The following PC variants were observed in gnomAD, a reference collection of about 807,000 sequenced individuals.
The protein encoded by PC is pyruvate carboxylase.
Under a neutral mutation model 107.8 loss-of-function variants are expected in PC, and 46 were observed. The ratio of observed to expected loss-of-function variants is 0.43; its 90% CI spans 0.34 to 0.55. The LOEUF (loss-of-function observed/expected upper bound fraction) is 0.55. PC is among the 20% of genes least tolerant of loss of function. The pLI is 0.04. For synonymous variants in PC, 662 were observed against 684.7 expected (o/e 0.97, Z 0.52); for missense variants, 1,241 against 1,643.1 (o/e 0.76, Z 4.23).
rs1399733990 is a variant in PC at position 66,858,000 on chromosome 11, C to T, written c.1369-4617G>A. 2 of 1,612,324 alleles carry T rather than the reference C, an allele frequency of 1.2e-6. No individual in the cohort carries two copies. The highest frequency in any genetic ancestry group is 1.7e-6 in the Non-Finnish European group (2 of 1,179,964). ...GACACTGTCTCGCAATGCCATCACC[C>T]GCATTGGGGCCCGCGCCTTTGGGGA... On this transcript the variant is annotated intron_variant, in intron 12 of 22. Coordinates refer to ENST00000393960, the MANE Select transcript of PC (RefSeq NM_001040716.2). This position sits in a 1 kb window ranked among gnomAD's most constrained non-coding sequence, Gnocchi z 7.1.
In PC at chr11:66,849,025, C is replaced by A; in HGVS notation, c.3411G>T (p.Leu1137=). 1 of 1,614,120 alleles carries A rather than the reference C, an allele frequency of 6.2e-7. No individual in the cohort carries two copies. Among genetic ancestry groups the A allele is most frequent in the Non-Finnish European group, 8.5e-7 (1 of 1,180,050 alleles). Residue 1137 remains leucine, a synonymous_variant, in exon 23 of 23, where the codon CTG becomes CTT. Coordinates refer to ENST00000393960, the MANE Select transcript of PC (RefSeq NM_001040716.2). The part of the protein sequence containing the change: ...AGAKVAKGQP[L]CVLSAMKMET... The stretch of plus-strand genomic sequence containing the variant: ...CCATCTTCATGGCACTGAGCACACA[C>A]AGGGGCTGGCCCTTGGCCACCTTGG...
chr11:66,897,757 G>A (rs1947809100), intron 3 of PC, among the ~76,000 whole-genome samples: 1 of 152,184 alleles, frequency 6.6e-6, no homozygotes, highest in Non-Finnish European at 1.5e-5. Context: ...TACAGGTCAT[G>A]TATCCAGCCT....
At chr11:66,911,842 C>T (rs1464896544) in intron 3 of PC, among the ~76,000 whole-genome samples, 1 of 152,040 alleles carries the variant, frequency 6.6e-6, no homozygotes, top group East Asian at 1.9e-4. Flanking sequence ...ACCAGCCTGA[C>T]CAATATAGTG....
In PC at chr11:66,953,674, T is replaced by C. The variant is rs888014131; in HGVS notation, c.-40+575A>G. Among the ~76,000 whole-genome samples the C allele has an allele frequency of 3.9e-5, 6 of 152,286 alleles. No homozygotes were observed. In the South Asian group the frequency reaches 8.3e-4, roughly 21 times the overall value. ...GGCACTCAAGTCAATAAAATATTTA[T>C]TGAGCACATGCCTTGCACAAGGAAC... is the stretch of plus-strand genomic sequence containing the variant. On this transcript the variant is annotated intron_variant, in intron 2 of 22. Transcript: ENST00000393960.
intron 12 of PC, chr11:66,859,902 G>A: frequency 6.3e-7 from 1 of 1,576,876 alleles, no homozygotes; most frequent in South Asian, 1.2e-5. Flanking sequence ...GGCCTTGCTG[G>A]TTCGGGGCCG....
chr11:66,928,517 T>G (rs929983541), intron 3 of PC, among the ~76,000 whole-genome samples: 7 of 151,936 alleles, frequency 4.6e-5, no homozygotes, highest in African/African-American at 1.7e-4. Context: ...ATGTGAGCAT[T>G]AATTATTATT....
Position 66,858,334 on chromosome 11 carries a change from G to A in PC, c.1369-4951C>T. On this transcript the variant is annotated intron_variant, in intron 12 of 22. Transcript: ENST00000393960. This position sits in a 1 kb window ranked among gnomAD's most constrained non-coding sequence, Gnocchi z 5.9. ...TTCGCCCAGCTCGGTCAGCTCTCCC[G>A]CCTGGACCTCACCTCCAACCGCCTG... 1 of 1,605,466 alleles carries A rather than the reference G, an allele frequency of 6.2e-7. No homozygotes were observed. Among genetic ancestry groups the A allele is most frequent in the Non-Finnish European group, 8.5e-7 (1 of 1,178,402 alleles).
intron 3 of PC, 60 bp downstream of exon 3, chr11:66,952,354 ACTGCTGGCATCCACAG>A (rs1423188103): frequency 6.6e-6 from 1 of 152,250 alleles, no homozygotes; most frequent in East Asian, 1.9e-4. Context: ...GACATGCCAA[ACTGCTGGCATCCACAG>A]CTGCTCCTGG....
At chr11:66,940,383 G>A (rs1949101659) in intron 3 of PC, among the ~76,000 whole-genome samples, 1 of 151,882 alleles carries the variant, frequency 6.6e-6, no homozygotes, top group Non-Finnish European at 1.5e-5. Flanking sequence ...TTTTTTGTGT[G>A]TGTGTGTTGA....
chr11:66,864,755 T>C (rs772697469), intron 11 of PC, among the ~76,000 whole-genome samples: 5 of 152,134 alleles, frequency 3.3e-5, no homozygotes, highest in Non-Finnish European at 7.4e-5. Flanking sequence ...GCGCCGACAC[T>C]CACACACACA....
rs202213608 is a variant in PC, at chr11:66,858,321, G to A, written c.1369-4938C>T. The stretch of plus-strand genomic sequence containing the variant: ...GCCCCCAGGCGCCTTCGCCCAGCTC[G>A]GTCAGCTCTCCCGCCTGGACCTCAC... On this transcript the variant is annotated intron_variant, in intron 12 of 22. Coordinates refer to ENST00000393960, the MANE Select transcript of PC (RefSeq NM_001040716.2). The surrounding 1 kb of genome is among the most constrained non-coding windows in gnomAD (Gnocchi z 5.9). 6.2e-7 allele frequency: 1 copy of A among 1,608,066 alleles called. No homozygotes were observed. The highest frequency in any genetic ancestry group is 8.5e-7 in the Non-Finnish European group (1 of 1,178,974).
In PC at chr11:66,848,831, G is replaced by A; in HGVS notation, c.*68C>T. On this transcript the variant is annotated 3_prime_UTR_variant, in exon 23 of 23. Transcript: ENST00000393960. ...CTGGCCTCGGGCACTGGCTGGCCTGGGCCTGCCGTGGCAGCACAGCTTCTG... is the reference window on the plus strand; with the variant it reads ...CTGGCCTCGGGCACTGGCTGGCCTGAGCCTGCCGTGGCAGCACAGCTTCTG... 6.2e-7 allele frequency: 1 copy of A among 1,607,618 alleles called. No homozygotes were observed. Among genetic ancestry groups the A allele is most frequent in the Non-Finnish European group, 8.5e-7 (1 of 1,176,982 alleles).
chr11:66,916,115 G>C (rs1356356046), intron 3 of PC, among the ~76,000 whole-genome samples: 3 of 152,178 alleles, frequency 2.0e-5, no homozygotes, highest in Admixed American at 6.5e-5. Context: ...TCTGTGCAGG[G>C]GCCACGTCTG....
Position 66,853,248 on chromosome 11 carries a change from G to A in PC, c.1504C>T (p.His502Tyr), listed in dbSNP as rs764307967. 8 of 1,613,860 alleles carry A rather than the reference G, an allele frequency of 5.0e-6. No homozygotes were observed. The highest frequency in any genetic ancestry group is 2.2e-5 in the South Asian group (2 of 91,072). ...CAGTCTCGGGCCAGACCGAGGTAGT[G>A]CAACAGCTTTTGGGCCCGGTTCTGT... Reference protein sequence around the residue: ...PAQNRAQKLLHYLGHVMVNGP... With the variant: ...PAQNRAQKLLYYLGHVMVNGP... The change falls in exon 13 of 23, where the codon CAC becomes TAC. Residue 502 changes from histidine to tyrosine, a missense_variant. Physicochemically the swap from His to Tyr is moderately conservative, Grantham distance 83. Transcript: ENST00000393960.
At position 66,851,915 on chromosome 11, in the gene PC, C is replaced by A. The variant is rs375004742; in HGVS notation, c.1857G>T (p.Leu619=). 1.2e-6 allele frequency: 2 copies of A among 1,614,074 alleles called. No homozygotes were observed. Among genetic ancestry groups the A allele is most frequent in the Non-Finnish European group, 1.7e-6 (2 of 1,180,016 alleles). Residue 619 remains leucine, a synonymous_variant, in exon 16 of 23, where the codon CTG becomes CTT. Transcript: ENST00000393960. ...GATFDVAMRF[L]YECPWRRLQE... is the part of the protein sequence containing the mutation. ...GCAGCCGCCGCCAGGGGCACTCATACAGGAAGCGCATGGCGACGTCAAACG... is the reference window on the plus strand; with the variant it reads ...GCAGCCGCCGCCAGGGGCACTCATAAAGGAAGCGCATGGCGACGTCAAACG...
intron 3 of PC, among the ~76,000 whole-genome samples, chr11:66,900,178 GTTTTTTTTT>G (rs71045968): frequency 9.3e-6 from 1 of 107,436 alleles, no homozygotes; most frequent in African/African-American, 3.7e-5. Context: ...CTCCAACGTT[GTTTTTTTTT>G]TTTTTTTTTT....
At chr11:66,886,995 C>T (rs989775406) in intron 3 of PC, among the ~76,000 whole-genome samples, 5 of 152,220 alleles carry the variant, frequency 3.3e-5, no homozygotes, top group Non-Finnish European at 7.3e-5. Context: ...GCTCCAGCCC[C>T]GGCCATCAGG....
At position 66,871,902 on chromosome 11, in the gene PC, C is replaced by T. The variant is rs1426176030; in HGVS notation, c.137-31G>A. 3.8e-6 allele frequency: 6 copies of T among 1,597,424 alleles called. No individual in the cohort carries two copies. Among genetic ancestry groups the T allele is most frequent in the Admixed American group, 1.7e-5 (1 of 58,154 alleles). ...GGGCAAAGAAACAAGAAGTTAGATTCCTAGGTCCTAGGAGAAGCAGAAAGG... is the reference window on the plus strand; with the variant it reads ...GGGCAAAGAAACAAGAAGTTAGATTTCTAGGTCCTAGGAGAAGCAGAAAGG... On this transcript the variant is annotated intron_variant, in intron 4 of 22. Transcript: ENST00000393960. The surrounding 1 kb of genome is among the most constrained non-coding windows in gnomAD (Gnocchi z 7.4).
In PC at chr11:66,858,852, G is replaced by A. The variant is rs61742217; in HGVS notation, c.1368+4922C>T. On this transcript the variant is annotated intron_variant, in intron 12 of 22. Coordinates refer to ENST00000393960, the MANE Select transcript of PC (RefSeq NM_001040716.2). This position sits in a 1 kb window ranked among gnomAD's most constrained non-coding sequence, Gnocchi z 5.9. ...AGCCCGAGTAGAACTGCGGGTGCTG[G>A]CCTTGCCCCATGGTGGGAACAGCAG... 1 of 1,552,910 alleles carries A rather than the reference G, an allele frequency of 6.4e-7. No homozygotes were observed. The highest frequency in any genetic ancestry group is 1.2e-5 in the South Asian group (1 of 85,974).
Sources: gnomAD v4.1 joint callset for allele counts (sites outside exome capture counted in the v4.1 genomes callset) on GRCh38, gnomAD v4.1.1 for gene constraint, Gnocchi (gnomAD v3.1) non-coding constraint, MANE v1.5 for transcripts, NCBI Gene and HGNC (gene_info 2026-07-23, HGNC 2026-07-21) for gene names.